The following PCDHA9 variants were observed in gnomAD, a reference collection of about 807,000 sequenced individuals.
PCDHA9 encodes protocadherin alpha 9, also known as protocadherin alpha-9.
PCDHA9 carries 62 observed loss-of-function variants against 62.0 expected under a neutral mutation model. The observed-to-expected ratio is 1.00, with a 90% CI of 0.81 to 1.23. The LOEUF is 1.23. PCDHA9 is among the 50% of genes most tolerant of loss of function. The pLI, the probability that PCDHA9 is intolerant of heterozygous loss-of-function variation, is 0.00. For synonymous variants in PCDHA9, 557 were observed against 567.6 expected, an observed-to-expected ratio of 0.98 and a Z score of 0.27; for missense variants, 1,205 against 1,249.8, an observed-to-expected ratio of 0.96 and a Z score of 0.54.
At chr5:140,862,594 A>T (rs2047439169) in intron 1 of PCDHA9, 2 of 509,414 alleles carry the variant, frequency 3.9e-6, no homozygotes, top group Non-Finnish European at 8.0e-6. Context: ...GCCCGAGTAC[A>T]TGGTGTTCGT....
intron 1 of PCDHA9, chr5:140,967,728 G>T: frequency 6.2e-7 from 1 of 1,614,176 alleles, no homozygotes; most frequent in East Asian, 2.2e-5. Context: ...CGAGTAATTG[G>T]GGGGCTGGAT....
In PCDHA9 at chr5:140,941,202, C is replaced by CCCTTCTTTCTTTCTTTCTTT; in HGVS notation, c.2395-37746_2395-37745insCTTCTTTCTTTCTTTCTTTC. Among the ~76,000 whole-genome samples, 3 of 122,832 alleles carry CCCTTCTTTCTTTCTTTCTTT rather than the reference C, an allele frequency of 2.4e-5. No homozygotes were observed. The East Asian group carries it at 6.6e-4, about 27-fold the overall frequency. The allele number at this position is 122,832 out of a possible 152,430, so 80.6% of individuals were successfully genotyped here. A position where few individuals can be genotyped will look rare whatever the true frequency, so the allele number is the denominator to read the frequency against. On this transcript the variant is annotated intron_variant, in intron 1 of 3. Transcript: ENST00000532602. ...TCCTGCTTCTTTTTTTTTCTTTCTT[C>CCCTTCTTTCTTTCTTTCTTT]CTTTCTTTCTTCCTTTCTTTCTTTC...
chr5:140,894,584 T>G (rs1554186162), intron 1 of PCDHA9, among the ~76,000 whole-genome samples: 1 of 152,006 alleles, frequency 6.6e-6, no homozygotes, highest in Non-Finnish European at 1.5e-5. Flanking sequence ...TTTTAATATT[T>G]TACTGAGTTT....
chr5:140,872,447 C>T (rs555580142), intron 1 of PCDHA9, among the ~76,000 whole-genome samples: 10 of 152,054 alleles, frequency 6.6e-5, no homozygotes, highest in African/African-American at 2.2e-4. Flanking sequence ...GACAACATAG[C>T]GAGATCCTGT....
intron 1 of PCDHA9, among the ~76,000 whole-genome samples, chr5:140,956,484 A>G (rs868955895): frequency 1.3e-5 from 2 of 152,226 alleles, no homozygotes; most frequent in South Asian, 2.1e-4. Flanking sequence ...CCAGTCTTGC[A>G]TCCCAGGGAT....
chr5:140,851,463 G>C (rs1194351869), intron 1 of PCDHA9: 1 of 894,166 alleles, frequency 1.1e-6, no homozygotes, highest in Non-Finnish European at 1.4e-6. Flanking sequence ...ATCAAATTAT[G>C]TCAATAAATG....
chr5:140,991,733 A>T (rs1360500460), intron 3 of PCDHA9, among the ~76,000 whole-genome samples: 1 of 152,136 alleles, frequency 6.6e-6, no homozygotes, highest in African/African-American at 2.4e-5. Flanking sequence ...TGTTCAAGGT[A>T]ATGTAGGCTC....
chr5:141,002,673 C>T (rs2098090242), intron 3 of PCDHA9, among the ~76,000 whole-genome samples: 3 of 152,180 alleles, frequency 2.0e-5, no homozygotes, highest in Admixed American at 2.0e-4. Context: ...GGACCAAAAC[C>T]TATACGACGT....
At chr5:140,971,807 T>C in intron 1 of PCDHA9, among the ~76,000 whole-genome samples, 1 of 152,270 alleles carries the variant, frequency 6.6e-6, no homozygotes, top group Middle Eastern at 3.4e-3. Context: ...TATTATAATA[T>C]TGAATACATA....
In PCDHA9 at chr5:140,937,678, T is replaced by C. The variant is rs570305485; in HGVS notation, c.2395-41271T>C. On this transcript the variant is annotated intron_variant, in intron 1 of 3. Coordinates refer to ENST00000532602, the MANE Select transcript of PCDHA9 (RefSeq NM_031857.2). ...CTGTAATCCCAGCACTTTGGGAGGC[T>C]GAGGCAGGCGGATCACGAGGTCAGG... Among the ~76,000 whole-genome samples the C allele has an allele frequency of 5.4e-3, 825 of 151,734 alleles. 2 individuals are homozygous for C. Among genetic ancestry groups the C allele is most frequent in the African/African-American group, 0.019 (794 of 41,384 alleles).
intron 1 of PCDHA9, among the ~76,000 whole-genome samples, chr5:140,901,030 C>G (rs1382384435): frequency 6.6e-6 from 1 of 152,116 alleles, no homozygotes; most frequent in Admixed American, 6.5e-5. Context: ...CTATTCAACT[C>G]TTTTGCCCAT....
At position 140,999,623 on chromosome 5, in the gene PCDHA9, A is replaced by G. The variant is rs188539860; in HGVS notation, c.2543-10004A>G. ...CCTGGGGGACCTTATCAACCAGGAAACAAGGTAGAGAAAACTGTGCAGCCT... is the reference window on the plus strand; with the variant it reads ...CCTGGGGGACCTTATCAACCAGGAAGCAAGGTAGAGAAAACTGTGCAGCCT... On this transcript the variant is annotated intron_variant, in intron 3 of 3. Transcript: ENST00000532602. Among the ~76,000 whole-genome samples the G allele has an allele frequency of 1.3e-4, 20 of 152,330 alleles. No individual in the cohort carries two copies. In the East Asian group the frequency reaches 3.9e-3, roughly 29 times the overall value.
intron 1 of PCDHA9, among the ~76,000 whole-genome samples, chr5:140,897,735 C>G (rs2066294879): frequency 6.6e-6 from 1 of 152,160 alleles, no homozygotes; most frequent in Non-Finnish European, 1.5e-5. Flanking sequence ...AATAGTATTT[C>G]TAGTTCTAGA....
chr5:140,920,766 C>T (rs370765138), intron 1 of PCDHA9, among the ~76,000 whole-genome samples: 66 of 151,878 alleles, frequency 4.3e-4, no homozygotes, highest in African/African-American at 1.6e-3. Context: ...ATTGCTTACA[C>T]CTGGGAGGTG....
chr5:140,940,485 ACAAGT>A (rs1554213400), intron 1 of PCDHA9, among the ~76,000 whole-genome samples: 1 of 151,718 alleles, frequency 6.6e-6, no homozygotes, highest in African/African-American at 2.4e-5. Flanking sequence ...TTTTTTCAAG[ACAAGT>A]CTTGCTCCGT....
At chr5:140,899,508 T>C (rs1389762615) in intron 1 of PCDHA9, among the ~76,000 whole-genome samples, 4 of 151,990 alleles carry the variant, frequency 2.6e-5, no homozygotes, top group Admixed American at 1.3e-4. Flanking sequence ...GATTTGCATA[T>C]ATTGCATCCC....
At chr5:140,919,593 T>C (rs541275874) in intron 1 of PCDHA9, among the ~76,000 whole-genome samples, 1 of 152,214 alleles carries the variant, frequency 6.6e-6, no homozygotes, top group Non-Finnish European at 1.5e-5. Context: ...TGGTAATTTT[T>C]AAAATAAATT....
chr5:140,932,430 G>A (rs1563132683), intron 1 of PCDHA9, among the ~76,000 whole-genome samples: 1 of 151,794 alleles, frequency 6.6e-6, no homozygotes, highest in East Asian at 1.9e-4. Context: ...TGTTCACCTG[G>A]AATTAAAGCA....
intron 1 of PCDHA9, among the ~76,000 whole-genome samples, chr5:140,887,198 G>T (rs1276345927): frequency 6.6e-6 from 1 of 151,492 alleles, no homozygotes; most frequent in Admixed American, 6.6e-5. Flanking sequence ...CCGGGTTCAC[G>T]CCATTCTCCT....
Sources: gnomAD v4.1 joint callset for allele counts (sites outside exome capture counted in the v4.1 genomes callset) on GRCh38, gnomAD v4.1.1 for gene constraint, MANE v1.5 for transcripts, NCBI Gene and HGNC (gene_info 2026-07-23, HGNC 2026-07-21) for gene names.